SORBS2: variants seen among roughly 807,000 people sequenced by gnomAD.
The protein encoded by SORBS2 is sorbin and SH3 domain-containing protein 2.
A neutral mutation model predicts 97.7 loss-of-function variants in SORBS2; 46 were observed. The ratio of observed to expected loss-of-function variants is 0.47; its 90% CI spans 0.37 to 0.60. The LOEUF (loss-of-function observed/expected upper bound fraction) is 0.60, where lower values mean the gene tolerates loss of function less well. Among genes scored for constraint, SORBS2 ranks in the 20% least tolerant of loss-of-function variants. The pLI, the probability that SORBS2 is intolerant of heterozygous loss-of-function variation, is 0.00. For missense variants in SORBS2, 1,316 were observed against 1,282.3 expected, an observed-to-expected ratio of 1.03 and a Z score of -0.40; for synonymous variants, 476 against 473.4, an observed-to-expected ratio of 1.01 and a Z score of -0.07.
intron 2 of SORBS2, among the ~76,000 whole-genome samples, chr4:185,736,143 C>G (rs1233353468): frequency 6.6e-6 from 1 of 152,222 alleles, no homozygotes; most frequent in African/African-American, 2.4e-5. Flanking sequence ...CCCTTGTCAT[C>G]ATCCCACAGA....
intron 1 of SORBS2, among the ~76,000 whole-genome samples, chr4:185,842,850 G>A (rs1177842217): frequency 1.9e-4 from 29 of 150,254 alleles, no homozygotes; most frequent in East Asian, 2.0e-4. Context: ...CAAGGGAATC[G>A]CTTGGGCCCA....
At chr4:185,762,492 CAA>C (rs57539074) in intron 2 of SORBS2, among the ~76,000 whole-genome samples, 9 of 122,120 alleles carry the variant, frequency 7.4e-5, no homozygotes, top group Admixed American at 8.1e-5. Context: ...TAAGGTTGGG[CAA>C]AAAAAAAAAA....
intron 2 of SORBS2, among the ~76,000 whole-genome samples, chr4:185,704,236 C>T (rs528747187): frequency 1.8e-3 from 267 of 152,258 alleles, no homozygotes; most frequent in African/African-American, 5.8e-3. Flanking sequence ...TCAGGATATT[C>T]GCTTCTCCCC....
rs541117408 is a variant in SORBS2 at position 185,607,449 on chromosome 4, G to A, written c.2796+4331C>T. On this transcript the variant is annotated intron_variant, in intron 12 of 14. Coordinates refer to ENST00000418609, the Ensembl canonical transcript of SORBS2. This position sits in a 1 kb window ranked among gnomAD's most constrained non-coding sequence, Gnocchi z 5.2. ...CGATGGAGAAATGCAGAAAAGATGC[G>A]GTGGTGAATATGAAAATAATTTTAT... 1.2e-4 allele frequency: 63 copies of A among 504,674 alleles called. No individual in the cohort carries two copies. The highest frequency in any genetic ancestry group is 7.9e-4 in the South Asian group (43 of 54,352). 31.3% of individuals were successfully genotyped at this position (504,674 alleles called of 1,614,324 possible). A position where few individuals can be genotyped will look rare whatever the true frequency, so the allele number is the denominator to read the frequency against.
chr4:185,617,557 A>G (rs767268159), intron 9 of SORBS2, among the ~76,000 whole-genome samples: 16 of 152,290 alleles, frequency 1.1e-4, no homozygotes, highest in Non-Finnish European at 1.9e-4. Flanking sequence ...TAAACAACAT[A>G]TAATAATTTA....
intron 1 of SORBS2, among the ~76,000 whole-genome samples, chr4:185,869,519 C>A (rs951613658): frequency 1.3e-4 from 20 of 152,250 alleles, no homozygotes; most frequent in African/African-American, 3.6e-4. Context: ...TCAGCTCCCA[C>A]ACGCACATTC....
intron 1 of SORBS2, among the ~76,000 whole-genome samples, chr4:185,934,065 C>T (rs1212607560): frequency 3.3e-5 from 5 of 152,158 alleles, no homozygotes; most frequent in Non-Finnish European, 5.9e-5. Flanking sequence ...AAGACACATC[C>T]GTCAACTTTT....
At chr4:185,624,141 A>G (rs2153424301) in exon 7 of SORBS2, 4 of 1,614,154 alleles carry the variant, frequency 2.5e-6, no homozygotes. Flanking sequence ...TCCGGGACGT[A>G]GGGGGACCCC....
At chr4:185,624,237 T>C (rs748883559) in exon 7 of SORBS2, 2 of 1,614,216 alleles carry the variant, frequency 1.2e-6, no homozygotes, top group Admixed American at 1.7e-5. Context: ...TCCGGGAAGC[T>C]ATCGCAGTCG....
chr4:185,842,703 A>G (rs1345041467), intron 1 of SORBS2, among the ~76,000 whole-genome samples: 4 of 152,120 alleles, frequency 2.6e-5, no homozygotes, highest in Non-Finnish European at 5.9e-5. Context: ...CTGGGAGGCC[A>G]AGGTAGGCGG....
intron 2 of SORBS2, among the ~76,000 whole-genome samples, chr4:185,765,508 T>C (rs1408396504): frequency 1.3e-5 from 2 of 152,202 alleles, no homozygotes; most frequent in African/African-American, 4.8e-5. Flanking sequence ...TAAAAAATTG[T>C]AAGGGGATAA....
At chr4:185,910,016 T>C (rs1190101157) in intron 1 of SORBS2, among the ~76,000 whole-genome samples, 1 of 149,006 alleles carries the variant, frequency 6.7e-6, no homozygotes, top group African/African-American at 2.5e-5. Flanking sequence ...AAAAGAAATA[T>C]ATTCCCTTCA....
rs575696942 is a variant in SORBS2, at chr4:185,624,798, T to C, written c.635-304A>G. Among the ~76,000 whole-genome samples the C allele has an allele frequency of 5.4e-4, 82 of 152,334 alleles. No individual in the cohort carries two copies. In the South Asian group the frequency reaches 0.017, roughly 31 times the overall value. ...ACTCCTACTGCATAATTCATACACCTTTCTGACAATATTGTTTGCCAAAAC... is the reference window on the plus strand; with the variant it reads ...ACTCCTACTGCATAATTCATACACCCTTCTGACAATATTGTTTGCCAAAAC... On this transcript the variant is annotated intron_variant, in intron 6 of 14. Transcript: ENST00000418609.
At chr4:185,798,936 C>A (rs1375511096) in intron 1 of SORBS2, among the ~76,000 whole-genome samples, 3 of 149,576 alleles carry the variant, frequency 2.0e-5, no homozygotes, top group Non-Finnish European at 4.5e-5. Flanking sequence ...CACCCAGAAG[C>A]CTGTCTTCTT....
intron 2 of SORBS2, among the ~76,000 whole-genome samples, chr4:185,769,250 A>G (rs1213667325): frequency 1.3e-5 from 2 of 152,188 alleles, no homozygotes; most frequent in Admixed American, 1.3e-4. Flanking sequence ...CGCTTATGTT[A>G]TATGTAGTGT....
intron 2 of SORBS2, among the ~76,000 whole-genome samples, chr4:185,706,949 T>G (rs957749001): frequency 6.6e-6 from 1 of 152,184 alleles, no homozygotes; most frequent in African/African-American, 2.4e-5. Context: ...TTTTGCTATA[T>G]TGGAGAGTTC....
chr4:185,587,401 C>T, exon 15 of SORBS2: 1 of 520,212 alleles, frequency 1.9e-6, no homozygotes, highest in Non-Finnish European at 3.4e-6. Flanking sequence ...AAGCTTAGAG[C>T]AGGAAGTAGG....
intron 3 of SORBS2, among the ~76,000 whole-genome samples, chr4:185,648,516 A>G (rs537723797): frequency 1.3e-5 from 2 of 151,980 alleles, no homozygotes; most frequent in South Asian, 2.1e-4. Flanking sequence ...GACTACAGGC[A>G]TGAGCCACCA....
At chr4:185,773,331 T>C (rs1424606121) in intron 2 of SORBS2, 1 of 152,216 alleles carries the variant, frequency 6.6e-6, no homozygotes, top group Non-Finnish European at 1.5e-5. Context: ...AATGCGATGA[T>C]TGACATGCTT....
Sources: gnomAD v4.1 joint callset for allele counts (sites outside exome capture counted in the v4.1 genomes callset) on GRCh38, gnomAD v4.1.1 for gene constraint, Gnocchi (gnomAD v3.1) non-coding constraint, MANE v1.5 for transcripts, NCBI Gene and HGNC (gene_info 2026-07-23, HGNC 2026-07-21) for gene names.